The following DOCK3 variants were observed in gnomAD, a reference collection of about 807,000 sequenced individuals.
DOCK3 encodes dedicator of cytokinesis 3.
In DOCK3, 60 loss-of-function variants were observed where a neutral mutation model predicts 265.6. The ratio of observed to expected loss-of-function variants is 0.23; its 90% CI spans 0.18 to 0.28. DOCK3 has a LOEUF of 0.28. Ranked by LOEUF, DOCK3 falls within the 10% of genes least tolerant of loss-of-function variation. The pLI, the probability that DOCK3 is intolerant of heterozygous loss-of-function variation, is 1.00. For synonymous variants in DOCK3, 881 were observed against 938.0 expected (o/e 0.94, Z 1.11); for missense variants, 1,981 against 2,594.3 (o/e 0.76, Z 5.14).
intron 5 of DOCK3, among the ~76,000 whole-genome samples, chr3:51,044,273 T>C (rs2109055980): frequency 6.6e-6 from 1 of 152,292 alleles, no homozygotes; most frequent in Admixed American, 6.5e-5. Context: ...TTATGTCCTT[T>C]GTAGGGACAT....
At chr3:50,920,829 A>G (rs1482817658) in intron 4 of DOCK3, among the ~76,000 whole-genome samples, 1 of 151,894 alleles carries the variant, frequency 6.6e-6, no homozygotes, top group East Asian at 1.9e-4. Context: ...TAGTTCTTTT[A>G]ATTGTGATGT....
At chr3:50,965,011 C>CA (rs2076989529) in intron 5 of DOCK3, among the ~76,000 whole-genome samples, 1 of 151,974 alleles carries the variant, frequency 6.6e-6, no homozygotes, top group South Asian at 2.1e-4. Context: ...TAGATATAAA[C>CA]TAAGCTGAAA....
At chr3:50,828,138 A>G (rs1205369679) in intron 2 of DOCK3, among the ~76,000 whole-genome samples, 1 of 152,092 alleles carries the variant, frequency 6.6e-6, no homozygotes, top group African/African-American at 2.4e-5. Context: ...CATATTGGCC[A>G]GGCTGGCCTC....
At chr3:50,971,334 G>A (rs768282799) in intron 5 of DOCK3, among the ~76,000 whole-genome samples, 4 of 151,708 alleles carry the variant, frequency 2.6e-5, no homozygotes, top group Non-Finnish European at 5.9e-5. Flanking sequence ...TACTTATGTT[G>A]GATGGTATTA....
At chr3:51,289,313 A>G (rs993394033) in intron 27 of DOCK3, among the ~76,000 whole-genome samples, 1 of 152,222 alleles carries the variant, frequency 6.6e-6, no homozygotes, top group Non-Finnish European at 1.5e-5. Flanking sequence ...GAATTAAAGT[A>G]TAGAGTTTCT....
At chr3:50,802,900 T>C (rs1290783966) in intron 2 of DOCK3, among the ~76,000 whole-genome samples, 2 of 152,042 alleles carry the variant, frequency 1.3e-5, no homozygotes, top group East Asian at 3.9e-4. Context: ...CTTCTCCTTC[T>C]GGAACATCTG....
intron 14 of DOCK3, among the ~76,000 whole-genome samples, chr3:51,222,969 C>G (rs2090167996): frequency 6.6e-6 from 1 of 152,156 alleles, no homozygotes; most frequent in African/African-American, 2.4e-5. Context: ...GACAATGTCT[C>G]ACTCTGTCAC....
intron 27 of DOCK3, among the ~76,000 whole-genome samples, chr3:51,291,451 T>C (rs1034013574): frequency 2.0e-5 from 3 of 152,108 alleles, no homozygotes; most frequent in African/African-American, 7.2e-5. Context: ...TAAAGGATCA[T>C]AAGAGACTGC....
chr3:50,804,763 A>G (rs1576486817), intron 2 of DOCK3, among the ~76,000 whole-genome samples: 1 of 141,776 alleles, frequency 7.1e-6, no homozygotes, highest in African/African-American at 2.7e-5. Flanking sequence ...GGGGAGAGGG[A>G]GAGGGGGAGG....
Position 51,314,966 on chromosome 3 carries a change from GT to G in DOCK3, c.3254-10del. On this transcript the variant is annotated splice_polypyrimidine_tract_variant and intron_variant, in intron 31 of 52. Transcript: ENST00000266037. ...GCAAAGCAGGCATAAACTAATTTGGGTTTTGTTTTTCAGGTGAACATAAGAT... is the reference window on the plus strand; with the variant it reads ...GCAAAGCAGGCATAAACTAATTTGGGTTTGTTTTTCAGGTGAACATAAGAT... The G allele has an allele frequency of 6.3e-7, 1 of 1,595,078 alleles. No individual in the cohort carries two copies.
rs548679619 is a variant in DOCK3 at position 50,936,114 on chromosome 3, G to A, written c.315+2037G>A. On this transcript the variant is annotated intron_variant, in intron 5 of 52. Coordinates refer to ENST00000266037, the MANE Select transcript of DOCK3 (RefSeq NM_004947.5). ...TTAGGAACAAAGTAGAAACTATAAA[G>A]AACCAAATGAAAATGATAGAACTGA... Among the ~76,000 whole-genome samples, 50 of 151,782 alleles carry A rather than the reference G, an allele frequency of 3.3e-4. No homozygotes were observed. In the South Asian group the frequency reaches 5.2e-3, roughly 16 times the overall value.
At chr3:51,347,147 G>A (rs1039070348) in intron 38 of DOCK3, among the ~76,000 whole-genome samples, 4 of 152,170 alleles carry the variant, frequency 2.6e-5, no homozygotes, top group African/African-American at 9.7e-5. Context: ...AATTTAATTA[G>A]ATCCCATCTG....
At chr3:51,245,820 A>G (rs1294046887) in intron 21 of DOCK3, among the ~76,000 whole-genome samples, 1 of 152,132 alleles carries the variant, frequency 6.6e-6, no homozygotes, top group African/African-American at 2.4e-5. Flanking sequence ...GGACTGTTCT[A>G]TGTGCTTTAT....
chr3:50,881,232 C>T (rs1272005862), intron 3 of DOCK3: 2 of 152,216 alleles, frequency 1.3e-5, no homozygotes, highest in Non-Finnish European at 2.9e-5. Context: ...CAGGGATGCC[C>T]TCTCTCACCA....
chr3:50,741,398 A>G (rs1204405932), intron 1 of DOCK3, among the ~76,000 whole-genome samples: 1 of 146,652 alleles, frequency 6.8e-6, no homozygotes, highest in African/African-American at 2.5e-5. Flanking sequence ...AGCATTAGGT[A>G]TATCTCCTAA....
chr3:50,677,890 ATTGTAATATT>A (rs2034100309), intron 1 of DOCK3, among the ~76,000 whole-genome samples: 1 of 152,078 alleles, frequency 6.6e-6, no homozygotes, highest in Non-Finnish European at 1.5e-5. Context: ...CCCCCTTTCC[ATTGTAATATT>A]CTGTGAGTGA....
At chr3:51,325,858 A>G (rs1212328340) in intron 32 of DOCK3, among the ~76,000 whole-genome samples, 1 of 152,200 alleles carries the variant, frequency 6.6e-6, no homozygotes, top group East Asian at 1.9e-4. Context: ...TGGGAGCTGA[A>G]CAATGAGAAC....
At chr3:51,313,225 T>C (rs2083190948) in intron 31 of DOCK3, among the ~76,000 whole-genome samples, 1 of 152,254 alleles carries the variant, frequency 6.6e-6, no homozygotes, top group African/African-American at 2.4e-5. Context: ...AGATCCTCCA[T>C]GCTCTTCACT....
chr3:50,784,919 A>G (rs1228575695), intron 2 of DOCK3, among the ~76,000 whole-genome samples: 1 of 152,130 alleles, frequency 6.6e-6, no homozygotes, highest in Non-Finnish European at 1.5e-5. Context: ...CACTTTGGGA[A>G]GCCAAGGCGG....
Sources: gnomAD v4.1 joint callset for allele counts (sites outside exome capture counted in the v4.1 genomes callset) on GRCh38, gnomAD v4.1.1 for gene constraint, MANE v1.5 for transcripts, NCBI Gene and HGNC (gene_info 2026-07-23, HGNC 2026-07-21) for gene names.